Variants in SPAST observed in about 807,000 individuals in gnomAD.
SPAST encodes the protein spastic paraplegia 4 (autosomal dominant; spastin).
A neutral mutation model predicts 76.6 loss-of-function variants in SPAST; 30 were observed. The ratio of observed to expected loss-of-function variants is 0.39; its 90% CI spans 0.29 to 0.53. SPAST has a LOEUF of 0.53. SPAST is among the 20% of genes least tolerant of loss of function. SPAST has a pLI of 0.68. For synonymous variants in SPAST, 305 were observed against 281.0 expected, an observed-to-expected ratio of 1.09 and a Z score of -0.86; for missense variants, 717 against 770.5, an observed-to-expected ratio of 0.93 and a Z score of 0.82.
chr2:32,134,985 C>T lies in SPAST; in HGVS notation c.1246-1578C>T, dbSNP rs569822883. Among the ~76,000 whole-genome samples the T allele has an allele frequency of 3.4e-4, 52 of 152,162 alleles. 1 individual carries two copies. In the South Asian group the frequency reaches 5.4e-3, roughly 16 times the overall value. ...TGCTGGGATTACAGGCATGAGCCACCGCACCCGGCCTCTAGCGTAACTTTT... is the reference window on the plus strand; with the variant it reads ...TGCTGGGATTACAGGCATGAGCCACTGCACCCGGCCTCTAGCGTAACTTTT... On this transcript the variant is annotated intron_variant, in intron 9 of 16. Coordinates refer to ENST00000315285, the MANE Select transcript of SPAST (RefSeq NM_014946.4).
At chr2:32,141,879 A>G in intron 12 of SPAST, 25 bp from the exon 13 acceptor site, 3 of 1,593,268 alleles carry the variant, frequency 1.9e-6, no homozygotes, top group Non-Finnish European at 1.7e-6. Flanking sequence ...TTATATTTCT[A>G]AAAGTGCTGG....
rs192251442 is a variant in SPAST, at chr2:32,146,040, G to T, written c.1687+1033G>T. On this transcript the variant is annotated intron_variant, in intron 15 of 16. Transcript: ENST00000315285. ...GTAACACCTCCCGTAGTGAAATAGGGTGCTGATTAAGAACTGCTACTTTGC... is the reference window on the plus strand; with the variant it reads ...GTAACACCTCCCGTAGTGAAATAGGTTGCTGATTAAGAACTGCTACTTTGC... Among the ~76,000 whole-genome samples, 1,316 of 152,278 alleles carry T rather than the reference G, an allele frequency of 8.6e-3. 22 individuals are homozygous for T. The highest frequency in any genetic ancestry group is 0.049 in the South Asian group (235 of 4,826).
At chr2:32,093,602 T>A (rs1390880694) in intron 3 of SPAST, among the ~76,000 whole-genome samples, 3 of 152,258 alleles carry the variant, frequency 2.0e-5, no homozygotes, top group Non-Finnish European at 4.4e-5. Context: ...TTATTTTTTA[T>A]GTTTATTGTG....
At chr2:32,122,646 A>T (rs12618002) in intron 7 of SPAST, among the ~76,000 whole-genome samples, 54,287 of 151,786 alleles carry the variant, frequency 0.36, 10,061 homozygotes, top group East Asian at 0.64. Context: ...TTATAGGTCA[A>T]AAACAGTTGA....
intron 1 of SPAST, among the ~76,000 whole-genome samples, chr2:32,085,496 C>T (rs1225371592): frequency 1.3e-5 from 2 of 152,044 alleles, no homozygotes; most frequent in Admixed American, 1.3e-4. Flanking sequence ...GGATTATAGG[C>T]GTGAGCAAAC....
At chr2:32,075,448 TAAAAC>T (rs1225049289) in intron 1 of SPAST, among the ~76,000 whole-genome samples, 1 of 101,516 alleles carries the variant, frequency 9.9e-6, no homozygotes, top group Admixed American at 1.0e-4. Flanking sequence ...AAAAAAAAAT[TAAAAC>T]AAAAATATTT....
chr2:32,093,960 T>C (rs1677827186), intron 3 of SPAST, among the ~76,000 whole-genome samples: 1 of 152,128 alleles, frequency 6.6e-6, no homozygotes, highest in Non-Finnish European at 1.5e-5. Flanking sequence ...GGATGGTCTT[T>C]TCCCATTTTT....
intron 16 of SPAST, among the ~76,000 whole-genome samples, chr2:32,153,834 T>C (rs909981086): frequency 1.3e-5 from 2 of 151,906 alleles, no homozygotes; most frequent in African/African-American, 4.8e-5. Flanking sequence ...CCCAGCACTT[T>C]GGGAGGCCAA....
chr2:32,100,658 T>A (rs1021386550), intron 4 of SPAST, among the ~76,000 whole-genome samples: 3 of 152,080 alleles, frequency 2.0e-5, no homozygotes, highest in African/African-American at 7.2e-5. Context: ...CCCCACCCTG[T>A]GTCCAAGTGT....
intron 7 of SPAST, among the ~76,000 whole-genome samples, chr2:32,124,296 T>C (rs1438104855): frequency 6.6e-6 from 1 of 151,978 alleles, no homozygotes; most frequent in African/African-American, 2.4e-5. Flanking sequence ...GTTAGGGAAA[T>C]TGCGCATTAA....
intron 7 of SPAST, among the ~76,000 whole-genome samples, chr2:32,119,970 T>C (rs1023436557): frequency 6.6e-6 from 1 of 152,070 alleles, no homozygotes; most frequent in African/African-American, 2.4e-5. Context: ...GTGATTGTTC[T>C]CCAGTTTTAA....
intron 7 of SPAST, among the ~76,000 whole-genome samples, chr2:32,120,535 C>T (rs941381466): frequency 6.7e-6 from 1 of 149,706 alleles, no homozygotes; most frequent in Admixed American, 6.7e-5. Flanking sequence ...CTAATTTCCA[C>T]ATGGCCAAAC....
intron 1 of SPAST, among the ~76,000 whole-genome samples, chr2:32,075,894 CTCT>C (rs1558614642): frequency 1.1e-5 from 1 of 87,162 alleles, no homozygotes. Flanking sequence ...ATTCAAAATG[CTCT>C]TTTTTTTTTT....
intron 14 of SPAST, among the ~76,000 whole-genome samples, chr2:32,143,726 G>GT (rs1211931595): frequency 6.6e-6 from 1 of 152,002 alleles, no homozygotes. Context: ...AGGCAACATG[G>GT]TAAAACCCCA....
chr2:32,073,653 A>G (rs1443814017), intron 1 of SPAST, among the ~76,000 whole-genome samples: 3 of 152,078 alleles, frequency 2.0e-5, no homozygotes, highest in Admixed American at 6.6e-5. Context: ...TTGACCTATA[A>G]TAGTCCTGCA....
At chr2:32,143,583 T>C (rs1322995434) in intron 14 of SPAST, among the ~76,000 whole-genome samples, 168 bp downstream of exon 14, 1 of 152,188 alleles carries the variant, frequency 6.6e-6, no homozygotes, top group Non-Finnish European at 1.5e-5. Flanking sequence ...CTTGTTCTTA[T>C]ATATATATGT....
chr2:32,091,376 G>A (rs991867948), intron 3 of SPAST, among the ~76,000 whole-genome samples: 3 of 150,244 alleles, frequency 2.0e-5, no homozygotes, highest in Non-Finnish European at 3.0e-5. Flanking sequence ...CACCTCCTGG[G>A]TTCAAACTAT....
At position 32,093,258 on chromosome 2, in the gene SPAST, C is replaced by T. The variant is rs543160697; in HGVS notation, c.586+3653C>T. On this transcript the variant is annotated intron_variant, in intron 3 of 16. Coordinates refer to ENST00000315285, the MANE Select transcript of SPAST (RefSeq NM_014946.4). ...CCCGGGAGGCGGAGCTTGCAGTGAG[C>T]CGAGATCCCGCCACTGCACTCCAGC... 1.2e-3 allele frequency among the ~76,000 whole-genome samples: 183 copies of T among 146,478 alleles called. 2 individuals carry two copies. The highest frequency in any genetic ancestry group is 4.6e-3 in the African/African-American group (179 of 39,332).
intron 1 of SPAST, among the ~76,000 whole-genome samples, chr2:32,080,717 C>A (rs903578733): frequency 6.6e-6 from 1 of 151,476 alleles, no homozygotes; most frequent in Non-Finnish European, 1.5e-5. Context: ...AGTTTGCCAA[C>A]CCCTACATTA....
Sources: gnomAD v4.1 joint callset for allele counts (sites outside exome capture counted in the v4.1 genomes callset) on GRCh38, gnomAD v4.1.1 for gene constraint, MANE v1.5 for transcripts, NCBI Gene and HGNC (gene_info 2026-07-23, HGNC 2026-07-21) for gene names.